MYO16: variants seen among roughly 807,000 people sequenced by gnomAD.
MYO16 encodes myosin XVI, also known as unconventional myosin-XVI.
Under a neutral mutation model 205.3 loss-of-function variants are expected in MYO16, and 94 were observed. The observed-to-expected ratio is 0.46, with a 90% CI of 0.39 to 0.54. The LOEUF (loss-of-function observed/expected upper bound fraction) is 0.54. Ranked by LOEUF, MYO16 falls within the 20% of genes least tolerant of loss-of-function variation. MYO16 has a pLI of 0.00. For synonymous variants in MYO16, 988 were observed against 954.0 expected, an observed-to-expected ratio of 1.04 and a Z score of -0.66; for missense variants, 2,315 against 2,387.5, an observed-to-expected ratio of 0.97 and a Z score of 0.63.
At chr13:108,607,080 G>A (rs75473583) in intron 1 of MYO16, among the ~76,000 whole-genome samples, 1,535 of 152,266 alleles carry the variant, frequency 0.01, 18 homozygotes, top group African/African-American at 0.032. Flanking sequence ...CCCAATGCCT[G>A]TATCCCCATG....
chr13:108,556,362 TA>T, the MYO16 span, among the ~76,000 whole-genome samples: 1 of 152,232 alleles, frequency 6.6e-6, no homozygotes, highest in African/African-American at 2.4e-5. Flanking sequence ...ATTATGGTTT[TA>T]ATTTGAACCT....
intron 11 of MYO16, among the ~76,000 whole-genome samples, chr13:108,858,621 C>T (rs574887219): frequency 1.8e-4 from 28 of 152,328 alleles, no homozygotes; most frequent in African/African-American, 3.8e-4. Context: ...TATCTTCCTA[C>T]AGCAATTGCA....
At chr13:109,195,429 T>C (rs1880113639) in intron 34 of MYO16, among the ~76,000 whole-genome samples, 1 of 152,178 alleles carries the variant, frequency 6.6e-6, no homozygotes, top group African/African-American at 2.4e-5. Context: ...TTTAGAAGTG[T>C]AGATATATGT....
chr13:108,935,164 T>C (rs1208036519), intron 16 of MYO16, among the ~76,000 whole-genome samples: 6 of 152,162 alleles, frequency 3.9e-5, no homozygotes, highest in African/African-American at 1.4e-4. Context: ...AAAAGTGACA[T>C]TGGTCGTTTA....
chr13:108,821,108 A>G (rs908242597), intron 8 of MYO16, among the ~76,000 whole-genome samples: 18 of 152,086 alleles, frequency 1.2e-4, no homozygotes, highest in African/African-American at 3.6e-4. Context: ...AGGTAATACC[A>G]TAACATCAAA....
intron 20 of MYO16, among the ~76,000 whole-genome samples, chr13:108,983,728 G>C (rs1884530863): frequency 6.6e-6 from 1 of 152,146 alleles, no homozygotes; most frequent in Non-Finnish European, 1.5e-5. Context: ...CTGAGGAATA[G>C]GTTCCATGCC....
In MYO16 at chr13:108,991,900, T is replaced by A. The variant is rs539397357; in HGVS notation, c.2370-476T>A. Among the ~76,000 whole-genome samples the A allele has an allele frequency of 3.3e-5, 5 of 152,278 alleles. No individual in the cohort carries two copies. In the South Asian group the frequency reaches 8.3e-4, roughly 25 times the overall value. ...CATTTTTAATTTAAAATCAATTTGGTTTTTGGTTTTTTTGGCCTCAAATTC... is the reference window on the plus strand; with the variant it reads ...CATTTTTAATTTAAAATCAATTTGGATTTTGGTTTTTTTGGCCTCAAATTC... On this transcript the variant is annotated intron_variant, in intron 20 of 34. Transcript: ENST00000457511.
At chr13:109,166,435 AAAGGG>A (rs1043688334) in intron 33 of MYO16, among the ~76,000 whole-genome samples, 3 of 152,228 alleles carry the variant, frequency 2.0e-5, no homozygotes, top group African/African-American at 4.8e-5. Context: ...GATTGAAGCA[AAAGGG>A]AAGAATGGAA....
At chr13:108,823,330 A>G in intron 9 of MYO16, 52 bp downstream of exon 9, 1 of 1,521,890 alleles carries the variant, frequency 6.6e-7, no homozygotes, top group South Asian at 1.3e-5. Flanking sequence ...CCTGCTGGTC[A>G]TTTTAGAGCC....
At chr13:109,030,554 G>A (rs2139554632) in intron 23 of MYO16, among the ~76,000 whole-genome samples, 1 of 152,140 alleles carries the variant, frequency 6.6e-6, no homozygotes, top group East Asian at 1.9e-4. Context: ...TAAATAACAT[G>A]AGAAAGGGAT....
At chr13:108,876,963 G>A (rs1879358734) in intron 12 of MYO16, among the ~76,000 whole-genome samples, 1 of 152,100 alleles carries the variant, frequency 6.6e-6, no homozygotes, top group Non-Finnish European at 1.5e-5. Flanking sequence ...ACCGCGCCCA[G>A]CCATTAACTG....
chr13:108,588,253 C>A, the MYO16 span, among the ~76,000 whole-genome samples: 15 of 152,262 alleles, frequency 9.9e-5, no homozygotes, highest in Non-Finnish European at 2.1e-4. Flanking sequence ...CTGTATGTCA[C>A]AATCAACGCT....
intron 2 of MYO16, among the ~76,000 whole-genome samples, chr13:108,671,526 C>T (rs1484402313): frequency 6.6e-6 from 1 of 152,146 alleles, no homozygotes; most frequent in East Asian, 1.9e-4. Context: ...TCATCTTCAG[C>T]ATCAAATGAT....
At position 108,961,590 on chromosome 13, in the gene MYO16, A is replaced by G; in HGVS notation, c.2089A>G (p.Ile697Val). 1 of 1,614,170 alleles carries G rather than the reference A, an allele frequency of 6.2e-7. No individual in the cohort carries two copies. The highest frequency in any genetic ancestry group is 8.5e-7 in the Non-Finnish European group (1 of 1,179,996). ...AGCAGCAATATTGCACCTTGGAGAC[A>G]TTCGGTTTACTGCCCTGAATGAGGG... ...ILAAILHLGDIRFTALNEGNS... is the reference protein window; with the variant it reads ...ILAAILHLGDVRFTALNEGNS... The change falls in exon 18 of 35, where the codon ATT (isoleucine) becomes GTT (valine). Residue 697 changes from isoleucine (I) to valine (V), a missense_variant. Ile to Val is a conservative substitution (Grantham distance 29). Around this residue, in one of 3 missense-constraint regions of MYO16, gnomAD observed 1,213 missense variants for 1,274.4 expected, o/e 0.95. Coordinates refer to ENST00000457511, the MANE Select transcript of MYO16 (RefSeq NM_001198950.3).
At chr13:109,203,265 A>G (rs754434086) in intron 34 of MYO16, among the ~76,000 whole-genome samples, 1 of 152,232 alleles carries the variant, frequency 6.6e-6, no homozygotes, top group Non-Finnish European at 1.5e-5. Flanking sequence ...CAGACAACCC[A>G]CAGTGTGGGA....
chr13:108,598,947 T>A (rs1316293810), intron 1 of MYO16, among the ~76,000 whole-genome samples: 7 of 150,752 alleles, frequency 4.6e-5, no homozygotes, highest in Non-Finnish European at 4.4e-5. Flanking sequence ...GCTGCACCCA[T>A]TAACTCGTCA....
At chr13:108,764,490 T>C (rs1003231340) in intron 4 of MYO16, among the ~76,000 whole-genome samples, 1 of 151,454 alleles carries the variant, frequency 6.6e-6, no homozygotes, top group African/African-American at 2.4e-5. Flanking sequence ...GAATTATTAA[T>C]GAGGTAAGTG....
intron 1 of MYO16, among the ~76,000 whole-genome samples, chr13:108,665,191 T>A (rs1218455684): frequency 3.9e-5 from 6 of 152,134 alleles, no homozygotes; most frequent in African/African-American, 1.4e-4. Flanking sequence ...GCTTATGCGA[T>A]CCCCCACCTC....
the MYO16 span, among the ~76,000 whole-genome samples, chr13:108,527,410 T>C: frequency 2.6e-5 from 4 of 152,178 alleles, no homozygotes; most frequent in African/African-American, 9.6e-5. Flanking sequence ...CATACCTTGA[T>C]TTAACAAATT....
Sources: gnomAD v4.1 joint callset for allele counts (sites outside exome capture counted in the v4.1 genomes callset) on GRCh38, gnomAD v4.1.1 for gene constraint, gnomAD v4.1.1 regional missense constraint, MANE v1.5 for transcripts, NCBI Gene and HGNC (gene_info 2026-07-23, HGNC 2026-07-21) for gene names.